The following OCRL variants were observed in gnomAD, a reference collection of about 807,000 sequenced individuals.
The protein encoded by OCRL is inositol polyphosphate 5-phosphatase OCRL.
OCRL carries 8 observed loss-of-function variants against 78.9 expected under a neutral mutation model. That is an observed-to-expected ratio of 0.10 (90% confidence interval 0.06 to 0.18). The LOEUF (loss-of-function observed/expected upper bound fraction) is 0.18. OCRL is among the 10% of genes least tolerant of loss of function. The pLI, the probability that OCRL is intolerant of heterozygous loss-of-function variation, is 1.00. For missense variants in OCRL, 454 were observed against 696.7 expected (o/e 0.65, Z 3.92); for synonymous variants, 240 against 235.4 (o/e 1.02, Z -0.18).
chrX:129,540,472 G>A lies in OCRL; in HGVS notation c.33G>A (p.Pro11=), dbSNP rs1247304752. 1 of 1,154,396 alleles carries A rather than the reference G, an allele frequency of 8.7e-7. No homozygotes were observed. Among genetic ancestry groups the A allele is most frequent in the Non-Finnish European group, 1.1e-6 (1 of 870,751 alleles). ...CGCCGCTCCCGGTCGGAGCCCAGCC[G>A]CTTGCCGTATCCGCCGGAGAGAAGG... The part of the protein sequence containing the change: MEPPLPVGAQ[P]LATVEGMEMK... The change falls in exon 1 of 24, where the codon CCG becomes CCA. Residue 11 remains proline, a synonymous_variant. Coordinates refer to ENST00000371113, the MANE Select transcript of OCRL (RefSeq NM_000276.4).
chrX:129,574,156 G>A (rs985086473), intron 15 of OCRL, among the ~76,000 whole-genome samples: 2 of 112,323 alleles, frequency 1.8e-5, no homozygotes, highest in Non-Finnish European at 3.8e-5. Context: ...CCTACCAACA[G>A]TGTAAAAGCG....
intron 3 of OCRL, among the ~76,000 whole-genome samples, chrX:129,547,194 A>G (rs1176738160): frequency 9.0e-6 from 1 of 111,317 alleles, no homozygotes; most frequent in African/African-American, 3.3e-5. Context: ...GTGCCACTGC[A>G]TGCTAACCTG....
chrX:129,584,667 G>T (rs1311058578), intron 19 of OCRL, among the ~76,000 whole-genome samples: 1 of 112,159 alleles, frequency 8.9e-6, no homozygotes, highest in Non-Finnish European at 1.9e-5. Flanking sequence ...CTCATGAATT[G>T]GAGGGGGGTA....
chrX:129,584,319 C>G (rs1261173514), intron 18 of OCRL, 25 bp from the exon 19 acceptor site: 2 of 1,198,192 alleles, frequency 1.7e-6, no homozygotes, highest in Non-Finnish European at 2.3e-6. Context: ...CTGTCAATGA[C>G]TTTCTTTTCC....
chrX:129,587,940 C>T (rs1384744907), intron 20 of OCRL, among the ~76,000 whole-genome samples: 1 of 111,179 alleles, frequency 9.0e-6, no homozygotes, highest in African/African-American at 3.3e-5. Context: ...TAGTCCCCTG[C>T]CTTATTAGGT....
intron 22 of OCRL, chrX:129,589,233 A>G: frequency 2.3e-6 from 1 of 429,551 alleles, no homozygotes; most frequent in Non-Finnish European, 4.1e-6. Context: ...ATTTCTGTTT[A>G]CAGAAAACAT....
chrX:129,590,367 G>C lies in OCRL; in HGVS notation c.*97G>C. ...AGTCATGCCACAGGAAGGGTCTATT[G>C]CAGAATTTCAAGTTCTGTTTATAGT... On this transcript the variant is annotated 3_prime_UTR_variant, in exon 24 of 24. Coordinates refer to ENST00000371113, the MANE Select transcript of OCRL (RefSeq NM_000276.4). 9.4e-7 allele frequency: 1 copy of C among 1,062,327 alleles called. No individual in the cohort carries two copies. Among genetic ancestry groups the C allele is most frequent in the Non-Finnish European group, 1.3e-6 (1 of 768,706 alleles). 87.5% of individuals were successfully genotyped at this position (1,062,327 alleles called of 1,213,427 possible).
chrX:129,585,454 A>C (rs1936498717), intron 19 of OCRL, among the ~76,000 whole-genome samples: 1 of 112,220 alleles, frequency 8.9e-6, no homozygotes, highest in Admixed American at 9.5e-5. Flanking sequence ...AGTGCTGCAT[A>C]ATTTCTATAT....
At chrX:129,558,358 T>C (rs1218103427) in intron 6 of OCRL, among the ~76,000 whole-genome samples, 1 of 112,386 alleles carries the variant, frequency 8.9e-6, no homozygotes, top group Non-Finnish European at 1.9e-5. Context: ...AGTCCCTTAC[T>C]CTCAACCAGG....
At chrX:129,579,473 A>G (rs1278633385) in intron 18 of OCRL, among the ~76,000 whole-genome samples, 2 of 111,817 alleles carry the variant, frequency 1.8e-5, no homozygotes, top group African/African-American at 6.5e-5. Context: ...TTGTCTCTCT[A>G]TGTACTGTTT....
intron 15 of OCRL, among the ~76,000 whole-genome samples, chrX:129,572,767 T>C (rs1424400312): frequency 1.8e-5 from 2 of 111,404 alleles, no homozygotes; most frequent in Admixed American, 1.9e-4. Context: ...GATGCATGTG[T>C]CCTCACCCCT....
At chrX:129,554,948 A>AAAATAAATAAATAAATAAATAAAT (rs765929333) in intron 4 of OCRL, among the ~76,000 whole-genome samples, 2 of 84,673 alleles carry the variant, frequency 2.4e-5, no homozygotes, top group Non-Finnish European at 4.5e-5. Flanking sequence ...ACTCCTTCTC[A>AAAATAAATAAATAAATAAATAAAT]AAATAAATAA....
At chrX:129,552,735 T>A (rs1036882882) in intron 4 of OCRL, among the ~76,000 whole-genome samples, 5 of 112,462 alleles carry the variant, frequency 4.4e-5, no homozygotes, top group Non-Finnish European at 9.4e-5. Context: ...TGAGATTTTT[T>A]TTGAGACACC....
chrX:129,581,523 T>C (rs1037307236), intron 18 of OCRL, among the ~76,000 whole-genome samples: 2 of 110,710 alleles, frequency 1.8e-5, no homozygotes, highest in Non-Finnish European at 3.8e-5. Flanking sequence ...CAATGTAATT[T>C]CTATGTTGTT....
intron 9 of OCRL, 60 bp downstream of exon 9, chrX:129,560,711 T>G (rs1485132680): frequency 3.8e-5 from 31 of 806,516 alleles, no homozygotes; most frequent in Middle Eastern, 2.8e-4. Context: ...TTACATGATG[T>G]TTTGCCTTTT....
intron 19 of OCRL, 174 bp from the exon 20 acceptor site, chrX:129,586,828 G>T (rs1253358432): frequency 3.6e-6 from 2 of 554,414 alleles, no homozygotes; most frequent in Non-Finnish European, 6.6e-6. Flanking sequence ...TTAACTATGG[G>T]ACTCGCTATC....
At chrX:129,573,434 T>C (rs7059490) in intron 15 of OCRL, among the ~76,000 whole-genome samples, 6,917 of 111,414 alleles carry the variant, frequency 0.062, 515 homozygotes, top group African/African-American at 0.21. Context: ...CCTGTGTCCA[T>C]GTGTTCTCAT....
rs772015678 is a variant in OCRL at position 129,590,306 on chromosome X, G to A, written c.*36G>A. 1.1e-5 allele frequency: 13 copies of A among 1,204,738 alleles called. No homozygotes were observed. Among genetic ancestry groups the A allele is most frequent in the Middle Eastern group, 2.3e-4 (1 of 4,314 alleles). On this transcript the variant is annotated 3_prime_UTR_variant, in exon 24 of 24. Transcript: ENST00000371113. Reference sequence around the variant, plus strand: ...GTTCTCTGATATTCTAGAAGCAGACGATCTCGGGCTCCAAGTATTTCAGAA... The same window carrying A: ...GTTCTCTGATATTCTAGAAGCAGACAATCTCGGGCTCCAAGTATTTCAGAA...
Position 129,560,642 on chromosome X carries a change from A to T in OCRL, c.815A>T (p.Tyr272Phe). Residue 272 changes from tyrosine (Y) to phenylalanine (F), a missense_variant, in exon 9 of 24, where the codon TAC (tyrosine) becomes TTC (phenylalanine). This residue lies in a region of OCRL where 277 missense variants were observed against 517.1 expected (regional missense o/e 0.54). Coordinates refer to ENST00000371113, the MANE Select transcript of OCRL (RefSeq NM_000276.4). ...LNCDPNPPDI[Y>F]CIGFQELDLS... ...TGTGATCCCAATCCTCCTGATATCT[A>T]CTGCATTGGGTAAAGAACACTTCTG... 1 of 1,160,595 alleles carries T rather than the reference A, an allele frequency of 8.6e-7. No individual in the cohort carries two copies. The highest frequency in any genetic ancestry group is 1.2e-6 in the Non-Finnish European group (1 of 849,314).
Sources: gnomAD v4.1 joint callset for allele counts (sites outside exome capture counted in the v4.1 genomes callset) on GRCh38, gnomAD v4.1.1 for gene constraint, gnomAD v4.1.1 regional missense constraint, MANE v1.5 for transcripts, NCBI Gene and HGNC (gene_info 2026-07-23, HGNC 2026-07-21) for gene names.